ST3GAL1: variants seen among roughly 807,000 people sequenced by gnomAD.
ST3GAL1 encodes the protein ST3 beta-galactoside alpha-2,3-sialyltransferase 1.
ST3GAL1 carries 16 observed loss-of-function variants against 34.1 expected under a neutral mutation model. That is an observed-to-expected ratio of 0.47 (90% CI 0.32 to 0.71). ST3GAL1 has a LOEUF of 0.71. Ranked by LOEUF, ST3GAL1 falls within the 30% of genes least tolerant of loss-of-function variation. The probability of loss-of-function intolerance (pLI) is 0.04; values close to 1 mark genes in which losing one functional copy is unlikely to be tolerated. For missense variants in ST3GAL1, 353 were observed against 447.4 expected (o/e 0.79, Z 1.90); for synonymous variants, 191 against 184.7 (o/e 1.03, Z -0.28).
chr8:133,540,472 T>C (rs1488731190), intron 2 of ST3GAL1, among the ~76,000 whole-genome samples: 1 of 152,052 alleles, frequency 6.6e-6, no homozygotes, highest in African/African-American at 2.4e-5. Flanking sequence ...ACAGGCCTGG[T>C]TCTCTGAGGG....
chr8:133,569,235 A>G (rs1384502394), intron 1 of ST3GAL1, among the ~76,000 whole-genome samples: 8 of 152,200 alleles, frequency 5.3e-5, no homozygotes, highest in Admixed American at 2.6e-4. Flanking sequence ...AGAAAAATGC[A>G]GGGAAAGCAA....
chr8:133,559,155 A>G (rs992110213), intron 1 of ST3GAL1, among the ~76,000 whole-genome samples: 2 of 152,146 alleles, frequency 1.3e-5, no homozygotes, highest in Non-Finnish European at 2.9e-5. Flanking sequence ...ATTTTTATGA[A>G]CAGAAATACA....
chr8:133,486,698 G>A (rs905382490), intron 3 of ST3GAL1, among the ~76,000 whole-genome samples: 22 of 152,126 alleles, frequency 1.4e-4, no homozygotes, highest in African/African-American at 5.1e-4. Context: ...AATCAGTCTC[G>A]AATGAAGCCA....
At chr8:133,530,222 C>G (rs570615356) in intron 2 of ST3GAL1, among the ~76,000 whole-genome samples, 7 of 152,188 alleles carry the variant, frequency 4.6e-5, no homozygotes, top group African/African-American at 1.7e-4. Context: ...CCTGGACGCA[C>G]AGCAGGCACT....
rs187990385 is a variant in ST3GAL1, at chr8:133,561,484, A to G, written c.-582+10209T>C. Reference sequence around the variant, plus strand: ...CTAATGCTAAAGCTGGTTCTTGGCCAAGTCAGCTTGTGGTTCCGGTTCACT... The same window carrying G: ...CTAATGCTAAAGCTGGTTCTTGGCCGAGTCAGCTTGTGGTTCCGGTTCACT... On this transcript the variant is annotated intron_variant, in intron 1 of 9. Coordinates refer to ENST00000522652, the MANE Select transcript of ST3GAL1 (RefSeq NM_173344.3). Among the ~76,000 whole-genome samples the G allele has an allele frequency of 6.0e-4, 92 of 152,192 alleles. 1 individual carries two copies. Among genetic ancestry groups the G allele is most frequent in the Non-Finnish European group, 9.9e-4 (67 of 68,018 alleles).
intron 3 of ST3GAL1, among the ~76,000 whole-genome samples, chr8:133,478,011 C>T (rs1238436808): frequency 1.3e-5 from 2 of 152,184 alleles, no homozygotes; most frequent in Non-Finnish European, 2.9e-5. Flanking sequence ...GCTTCCAGAA[C>T]TAGAAGCCCA....
At chr8:133,484,201 C>A (rs1446948437) in intron 3 of ST3GAL1, among the ~76,000 whole-genome samples, 1 of 152,194 alleles carries the variant, frequency 6.6e-6, no homozygotes, top group African/African-American at 2.4e-5. Flanking sequence ...AAATTTCCGA[C>A]CTCCTAGCTG....
chr8:133,505,955 C>T (rs1817322833), intron 2 of ST3GAL1, among the ~76,000 whole-genome samples: 2 of 152,156 alleles, frequency 1.3e-5, no homozygotes, highest in Admixed American at 6.5e-5. Flanking sequence ...CTCAGTTGCA[C>T]TCATTAATTA....
intron 2 of ST3GAL1, among the ~76,000 whole-genome samples, chr8:133,507,320 G>T (rs770835918): frequency 2.0e-5 from 3 of 152,234 alleles, no homozygotes; most frequent in Non-Finnish European, 4.4e-5. Flanking sequence ...TTCTGGGTCT[G>T]CCTGGAGAAA....
At chr8:133,548,860 A>G (rs1454672236) in intron 1 of ST3GAL1, among the ~76,000 whole-genome samples, 1 of 152,182 alleles carries the variant, frequency 6.6e-6, no homozygotes, top group Non-Finnish European at 1.5e-5. Context: ...CCCACTGGCT[A>G]TCATATGGGT....
At chr8:133,551,399 C>T (rs1818831243) in intron 1 of ST3GAL1, among the ~76,000 whole-genome samples, 1 of 151,432 alleles carries the variant, frequency 6.6e-6, no homozygotes, top group Admixed American at 6.6e-5. Context: ...ACCCAGGAGG[C>T]AGAGGTTGCA....
chr8:133,553,778 A>T (rs568645249), intron 1 of ST3GAL1, among the ~76,000 whole-genome samples: 1 of 152,282 alleles, frequency 6.6e-6, no homozygotes, highest in Non-Finnish European at 1.5e-5. Context: ...TCCACAGGCA[A>T]CCTGTGCCAC....
intron 2 of ST3GAL1, among the ~76,000 whole-genome samples, chr8:133,502,425 A>AT (rs1261112885): frequency 2.0e-5 from 2 of 102,046 alleles, no homozygotes; most frequent in East Asian, 3.3e-4. Context: ...TGATGTCCTT[A>AT]TAAAAAAAAA....
intron 1 of ST3GAL1, among the ~76,000 whole-genome samples, chr8:133,550,705 G>C (rs574420674): frequency 1.3e-5 from 2 of 152,302 alleles, no homozygotes; most frequent in South Asian, 2.1e-4. Flanking sequence ...TCTCCAGCTA[G>C]AGCACAGATT....
chr8:133,466,568 G>A lies in ST3GAL1; in HGVS notation c.307-478C>T. ...CCTGCTCAGACACCAGGGCCCAGGGGTTGCGTGCTCCCGCTCAAGCCTTAA... is the reference window on the plus strand; with the variant it reads ...CCTGCTCAGACACCAGGGCCCAGGGATTGCGTGCTCCCGCTCAAGCCTTAA... On this transcript the variant is annotated intron_variant, in intron 5 of 9. Coordinates refer to ENST00000522652, the MANE Select transcript of ST3GAL1 (RefSeq NM_173344.3). This position sits in a 1 kb window ranked among gnomAD's most constrained non-coding sequence, Gnocchi z 4.4. Among the ~76,000 whole-genome samples, 1 of 152,232 alleles carries A rather than the reference G, an allele frequency of 6.6e-6. No individual in the cohort carries two copies. The highest frequency in any genetic ancestry group is 1.9e-4 in the East Asian group (1 of 5,192).
chr8:133,536,158 G>A (rs967842397), intron 2 of ST3GAL1, among the ~76,000 whole-genome samples: 4 of 152,132 alleles, frequency 2.6e-5, no homozygotes, highest in Non-Finnish European at 5.9e-5. Flanking sequence ...TTCACACTGT[G>A]AAGATGACTC....
In ST3GAL1 at chr8:133,506,136, T is replaced by C. The variant is rs934626806; in HGVS notation, c.-428-6947A>G. Among the ~76,000 whole-genome samples, 8 of 152,324 alleles carry C rather than the reference T, an allele frequency of 5.3e-5. No homozygotes were observed. The South Asian group carries it at 6.2e-4, about 12-fold the overall frequency. ...CATTTCCATCATCAGGAAAGTTCTA[T>C]TGGAGAGTGCTGACCGAGAAGTAGA... On this transcript the variant is annotated intron_variant, in intron 2 of 9. Transcript: ENST00000522652.
At chr8:133,536,866 C>A (rs2978024) in intron 2 of ST3GAL1, among the ~76,000 whole-genome samples, 110,729 of 151,978 alleles carry the variant, frequency 0.73, 40,607 homozygotes, top group Middle Eastern at 0.86. Context: ...CACCTATTTC[C>A]TAAAATCTCT....
At chr8:133,496,879 G>C (rs1816964089) in intron 3 of ST3GAL1, among the ~76,000 whole-genome samples, 1 of 152,228 alleles carries the variant, frequency 6.6e-6, no homozygotes, top group South Asian at 2.1e-4. Flanking sequence ...GGCCCCAGGA[G>C]CCCTTCTTTT....
Sources: gnomAD v4.1 joint callset for allele counts (sites outside exome capture counted in the v4.1 genomes callset) on GRCh38, gnomAD v4.1.1 for gene constraint, Gnocchi (gnomAD v3.1) non-coding constraint, MANE v1.5 for transcripts, NCBI Gene and HGNC (gene_info 2026-07-23, HGNC 2026-07-21) for gene names.